Variants in C12orf56 observed in about 807,000 individuals in gnomAD.
The protein encoded by C12orf56 is uncharacterized protein C12orf56.
Under a neutral mutation model 69.9 loss-of-function variants are expected in C12orf56, and 71 were observed. That is an observed-to-expected ratio of 1.02 (90% CI 0.84 to 1.24). The LOEUF (loss-of-function observed/expected upper bound fraction) is 1.24, where lower values mean the gene tolerates loss of function less well. Among genes scored for constraint, C12orf56 ranks in the 50% most tolerant of loss-of-function variants. The pLI is 0.00. For synonymous variants in C12orf56, 276 were observed against 274.1 expected (o/e 1.01, Z -0.07); for missense variants, 732 against 738.5 (o/e 0.99, Z 0.10).
At chr12:64,274,788 G>T in intron 11 of C12orf56, 113 bp downstream of exon 11, 1 of 806,602 alleles carries the variant, frequency 1.2e-6, no homozygotes, top group Non-Finnish European at 1.9e-6. Flanking sequence ...CTTTGCTTCT[G>T]GTTGATAAAC....
intron 1 of C12orf56, among the ~76,000 whole-genome samples, chr12:64,359,573 G>A (rs2039368810): frequency 6.6e-6 from 1 of 152,146 alleles, no homozygotes; most frequent in Non-Finnish European, 1.5e-5. Context: ...CCACTCAGGA[G>A]CTAAGCAAGC....
chr12:64,268,470 AC>A (rs1441469202), intron 12 of C12orf56, among the ~76,000 whole-genome samples: 1 of 152,158 alleles, frequency 6.6e-6, no homozygotes, highest in African/African-American at 2.4e-5. Context: ...CACATATTAT[AC>A]GCTCCATTTA....
chr12:64,332,512 A>G (rs1265900414), intron 2 of C12orf56, among the ~76,000 whole-genome samples: 3 of 152,064 alleles, frequency 2.0e-5, no homozygotes. Flanking sequence ...CTCTCTTGAG[A>G]GTGGCTGTAG....
In C12orf56 at chr12:64,318,871, G is replaced by C. The variant is rs1440526544; in HGVS notation, c.598C>G (p.Pro200Ala). Reference protein sequence around the residue: ...GQGAFRPLPSPSRRSSQSAPT... With the variant: ...GQGAFRPLPSASRRSSQSAPT... ...GCAGACTGAGAGCTCCTCCTGGAGG[G>C]GGAAGGTAGGGGTCGAAAGGCACCT... Residue 200 changes from proline (P) to alanine (A), a missense_variant, in exon 4 of 13, where the codon CCC becomes GCC. Pro to Ala is a conservative substitution (Grantham distance 27). Transcript: ENST00000543942. 2 of 1,537,130 alleles carry C rather than the reference G, an allele frequency of 1.3e-6. No individual in the cohort carries two copies. Among genetic ancestry groups the C allele is most frequent in the Middle Eastern group, 1.7e-4 (1 of 6,012 alleles).
At chr12:64,282,999 G>A (rs1376640782) in intron 8 of C12orf56, among the ~76,000 whole-genome samples, 2 of 151,550 alleles carry the variant, frequency 1.3e-5, no homozygotes, top group African/African-American at 2.4e-5. Context: ...AAAATTAACC[G>A]GGCATGGTGG....
chr12:64,317,395 A>T (rs2038702571), intron 4 of C12orf56, among the ~76,000 whole-genome samples: 1 of 152,192 alleles, frequency 6.6e-6, no homozygotes. Context: ...ATGAATTCTA[A>T]CAAAAAGGTC....
intron 8 of C12orf56, among the ~76,000 whole-genome samples, chr12:64,284,265 G>A (rs1279353925): frequency 6.6e-6 from 1 of 152,080 alleles, no homozygotes; most frequent in African/African-American, 2.4e-5. Flanking sequence ...TTACTCTAAG[G>A]TCACACGATT....
chr12:64,366,894 TACAGTTTATATATTATATATAAC>T lies in C12orf56; in HGVS notation c.253-13861_253-13839del, dbSNP rs1565777493. 1.5e-4 allele frequency among the ~76,000 whole-genome samples: 19 copies of T among 126,368 alleles called. 1 individual carries two copies. The highest frequency in any genetic ancestry group is 2.6e-4 in the African/African-American group (8 of 31,160). The allele number at this position is 126,368 out of a possible 152,430, so 82.9% of individuals were successfully genotyped here. A position where few individuals can be genotyped will look rare whatever the true frequency, so the allele number is the denominator to read the frequency against. On this transcript the variant is annotated intron_variant, in intron 1 of 12. Transcript: ENST00000543942. Reference sequence around the variant, plus strand: ...TACAGTTTATATATATTATATAACATACAGTTTATATATTATATATAACACAGTTTATATATTATATATAACAT... The same window carrying T: ...TACAGTTTATATATATTATATAACATACAGTTTATATATTATATATAACAT...
intron 2 of C12orf56, among the ~76,000 whole-genome samples, chr12:64,343,220 A>G (rs967871911): frequency 6.6e-6 from 1 of 152,178 alleles, no homozygotes; most frequent in African/African-American, 2.4e-5. Flanking sequence ...ACCGAGGTAG[A>G]AGGTCCCTGA....
chr12:64,273,331 C>G (rs1340253636), intron 11 of C12orf56, among the ~76,000 whole-genome samples: 1 of 151,738 alleles, frequency 6.6e-6, no homozygotes, highest in Non-Finnish European at 1.5e-5. Flanking sequence ...AACATATTAC[C>G]TCGTGTCCAT....
chr12:64,316,343 C>T (rs1185418159), intron 4 of C12orf56, among the ~76,000 whole-genome samples: 1 of 152,052 alleles, frequency 6.6e-6, no homozygotes, highest in Non-Finnish European at 1.5e-5. Flanking sequence ...GGTGATCCAC[C>T]CACTTCAGCC....
chr12:64,372,089 A>T (rs1392443557), intron 1 of C12orf56, among the ~76,000 whole-genome samples: 2 of 151,934 alleles, frequency 1.3e-5, no homozygotes, highest in East Asian at 1.9e-4. Flanking sequence ...CCACTTACAC[A>T]GTACTTTCTC....
Position 64,284,722 on chromosome 12 carries a change from A to C in C12orf56, c.1252T>G (p.Leu418Val). The C allele has an allele frequency of 6.2e-7, 1 of 1,610,868 alleles. No homozygotes were observed. The highest frequency in any genetic ancestry group is 8.5e-7 in the Non-Finnish European group (1 of 1,178,770). The change falls in exon 8 of 13, where the codon TTG becomes GTG. Residue 418 changes from leucine to valine, a missense_variant. By Grantham distance (32) the Leu-to-Val change is conservative. Transcript: ENST00000543942. ...TCGGTTTCTGTTTCTCTGAACATCA[A>C]TACTAGGGTCTGTATAATTTCAATG... ...ACIEIIQTLV[L>V]MFRETETESS...
At chr12:64,381,522 T>C (rs1466445296) in intron 1 of C12orf56, among the ~76,000 whole-genome samples, 1 of 151,970 alleles carries the variant, frequency 6.6e-6, no homozygotes, top group Non-Finnish European at 1.5e-5. Context: ...TTTTAAACTA[T>C]AAACTATAAA....
At chr12:64,303,610 A>C in intron 6 of C12orf56, 25 bp downstream of exon 6, 1 of 1,493,486 alleles carries the variant, frequency 6.7e-7, no homozygotes, top group African/African-American at 1.4e-5. Flanking sequence ...AACTTTAAAG[A>C]TTAAAAATAA....
At chr12:64,380,104 C>CAAAAAAAAAAAAAAAAAAAAA (rs60079906) in intron 1 of C12orf56, among the ~76,000 whole-genome samples, 20 of 49,978 alleles carry the variant, frequency 4.0e-4, no homozygotes, top group Admixed American at 6.7e-4. Flanking sequence ...GACTCCGTCG[C>CAAAAAAAAAAAAAAAAAAAAA]AAAAAAAAAA....
chr12:64,339,210 T>A lies in C12orf56; in HGVS notation c.416-8178A>T, dbSNP rs2039039679. On this transcript the variant is annotated intron_variant, in intron 2 of 12. Transcript: ENST00000543942. ...GTCAAATAAAATGTGTATCCTTATC[T>A]CCTGTTAACCTGCCTTTTCTCAGCT... Among the ~76,000 whole-genome samples the A allele has an allele frequency of 3.9e-5, 6 of 152,284 alleles. No homozygotes were observed. In the South Asian group the frequency reaches 1.2e-3, roughly 32 times the overall value.
chr12:64,277,610 A>T, intron 9 of C12orf56, 70 bp downstream of exon 9: 1 of 1,016,996 alleles, frequency 9.8e-7, no homozygotes, highest in Admixed American at 4.7e-5. Flanking sequence ...GTCATGGTCC[A>T]CATTAAAAGA....
At chr12:64,323,577 T>TG (rs2136848467) in intron 3 of C12orf56, among the ~76,000 whole-genome samples, 1 of 151,064 alleles carries the variant, frequency 6.6e-6, no homozygotes, top group East Asian at 1.9e-4. Flanking sequence ...TTTTTTTTTT[T>TG]TGCCAAGACA....
Sources: allele counts gnomAD v4.1 joint callset (sites outside exome capture counted in the v4.1 genomes callset), GRCh38; gene constraint gnomAD v4.1.1; transcripts MANE v1.5; gene names NCBI Gene and HGNC (gene_info 2026-07-23, HGNC 2026-07-21).